Variants in FSTL4 observed in about 807,000 individuals in gnomAD.
The protein encoded by FSTL4 is follistatin like 4.
FSTL4 carries 28 observed loss-of-function variants against 78.2 expected under a neutral mutation model. The observed-to-expected ratio is 0.36, with a 90% CI of 0.27 to 0.49. FSTL4 has a LOEUF of 0.49. Among genes scored for constraint, FSTL4 ranks in the 20% least tolerant of loss-of-function variants. The pLI, the probability that FSTL4 is intolerant of heterozygous loss-of-function variation, is 0.98. For synonymous variants in FSTL4, 422 were observed against 440.5 expected, an observed-to-expected ratio of 0.96 and a Z score of 0.53; for missense variants, 922 against 1,084.9, an observed-to-expected ratio of 0.85 and a Z score of 2.11.
chr5:133,480,653 A>G (rs989733956), intron 3 of FSTL4, among the ~76,000 whole-genome samples: 2 of 151,404 alleles, frequency 1.3e-5, no homozygotes, highest in Non-Finnish European at 1.5e-5. Context: ...GGGAGCCAGG[A>G]TCTCCTCTGC....
At chr5:133,577,299 T>C (rs1259144253) in intron 2 of FSTL4, among the ~76,000 whole-genome samples, 1 of 152,112 alleles carries the variant, frequency 6.6e-6, no homozygotes, top group Non-Finnish European at 1.5e-5. Flanking sequence ...TTGCTGCAAG[T>C]GCTCATGAAA....
intron 3 of FSTL4, among the ~76,000 whole-genome samples, chr5:133,430,853 A>G (rs1391369134): frequency 6.6e-6 from 1 of 152,218 alleles, no homozygotes; most frequent in Admixed American, 6.5e-5. Context: ...CAGAGTCTTC[A>G]GTAAAGGCCC....
intron 3 of FSTL4, among the ~76,000 whole-genome samples, chr5:133,429,466 C>A (rs1006261261): frequency 1.3e-5 from 2 of 152,104 alleles, no homozygotes; most frequent in African/African-American, 4.8e-5. Context: ...ATGCTCGTGA[C>A]TCCCCCACCC....
chr5:133,375,045 G>A (rs377572932), intron 4 of FSTL4, among the ~76,000 whole-genome samples: 4 of 151,808 alleles, frequency 2.6e-5, no homozygotes, highest in East Asian at 3.9e-4. Context: ...TCAAATTCAC[G>A]TCAGCCATCT....
At chr5:133,309,535 C>T (rs2126885402) in intron 6 of FSTL4, among the ~76,000 whole-genome samples, 1 of 152,312 alleles carries the variant, frequency 6.6e-6, no homozygotes, top group Admixed American at 6.5e-5. Context: ...GAAGGGGGTA[C>T]AGCCCCATCA....
rs1355377116 is a variant in FSTL4 at position 133,316,516 on chromosome 5, C to G, written c.546G>C (p.Leu182=). ...ASQKRLLVES[L]FRDLDADGNG... ...TGCCATCTGCATCTAAGTCCCTGAACAGAGATTCCACCAGGAGGCGCTTCT... is the reference window on the plus strand; with the variant it reads ...TGCCATCTGCATCTAAGTCCCTGAAGAGAGATTCCACCAGGAGGCGCTTCT... Residue 182 remains leucine, a synonymous_variant, in exon 5 of 16, where the codon CTG becomes CTC. Transcript: ENST00000265342. The G allele has an allele frequency of 1.2e-6, 2 of 1,614,176 alleles. No homozygotes were observed. The highest frequency in any genetic ancestry group is 2.2e-5 in the South Asian group (2 of 91,082).
chr5:133,739,119 A>AT, the FSTL4 span, among the ~76,000 whole-genome samples: 19 of 151,944 alleles, frequency 1.3e-4, no homozygotes, highest in East Asian at 3.1e-3. Context: ...AGCACCTATG[A>AT]TTTTTTTTAC....
At chr5:133,825,969 G>A in the FSTL4 span, among the ~76,000 whole-genome samples, 36 of 152,368 alleles carry the variant, frequency 2.4e-4, no homozygotes, top group South Asian at 5.0e-3. Context: ...GCCTGCCGGT[G>A]AGGCTGCAGA....
At chr5:133,649,175 C>A in the FSTL4 span, among the ~76,000 whole-genome samples, 1 of 152,068 alleles carries the variant, frequency 6.6e-6, no homozygotes, top group African/African-American at 2.4e-5. Context: ...AAGTTTCTTC[C>A]GTGTCTTTTC....
chr5:133,377,896 A>AT (rs539806251), intron 4 of FSTL4, among the ~76,000 whole-genome samples: 45 of 148,584 alleles, frequency 3.0e-4, no homozygotes, highest in Admixed American at 1.2e-3. Flanking sequence ...AGCAGCAACA[A>AT]TTTTTTTTTT....
rs374757334 is a variant in FSTL4, at chr5:133,400,919, G to A, written c.228C>T (p.Cys76=). 5.8e-5 allele frequency: 94 copies of A among 1,613,502 alleles called. No individual in the cohort carries two copies. The highest frequency in any genetic ancestry group is 1.3e-4 in the African/African-American group (10 of 74,944). The stretch of plus-strand genomic sequence containing the variant: ...GCTCCCCTGTCTTCCTGCTGAGCAC[G>A]CACCGGCTCCCTCGGCTGCAGAACT... The part of the protein sequence containing the change: ...GKKFCSRGSR[C]VLSRKTGEPE... Residue 76 remains cysteine (C), a synonymous_variant, in exon 4 of 16, where the codon TGC becomes TGT. Coordinates refer to ENST00000265342, the MANE Select transcript of FSTL4 (RefSeq NM_015082.2).
At chr5:133,239,261 G>A (rs1751759431) in intron 7 of FSTL4, among the ~76,000 whole-genome samples, 1 of 127,958 alleles carries the variant, frequency 7.8e-6, no homozygotes, top group African/African-American at 3.0e-5. Context: ...GTGGGCTCCT[G>A]CGCAGCCTGA....
rs992584605 is a variant in FSTL4 at position 133,225,407 on chromosome 5, G to A, written c.1178-123C>T. Reference sequence around the variant, plus strand: ...GGGCAGCCAGCAGCCCTGATTATACGCCCAGGAAGGGCTGGCACATCTGAA... The same window carrying A: ...GGGCAGCCAGCAGCCCTGATTATACACCCAGGAAGGGCTGGCACATCTGAA... On this transcript the variant is annotated intron_variant, in intron 9 of 15. Transcript: ENST00000265342. This position sits in a 1 kb window ranked among gnomAD's most constrained non-coding sequence, Gnocchi z 4.6. 1.7e-5 allele frequency: 20 copies of A among 1,160,066 alleles called. No homozygotes were observed. The highest frequency in any genetic ancestry group is 1.5e-4 in the South Asian group (11 of 71,704). The allele number at this position is 1,160,066 out of a possible 1,614,324, so 71.9% of individuals were successfully genotyped here. A position where few individuals can be genotyped will look rare whatever the true frequency, so the allele number is the denominator to read the frequency against.
At chr5:133,331,586 G>A (rs539954037) in intron 4 of FSTL4, among the ~76,000 whole-genome samples, 180 of 152,284 alleles carry the variant, frequency 1.2e-3, no homozygotes, top group African/African-American at 4.0e-3. Context: ...ATAAGCCGGC[G>A]ATACGTGCTC....
chr5:133,623,514 A>T, the FSTL4 span, among the ~76,000 whole-genome samples: 7 of 152,036 alleles, frequency 4.6e-5, no homozygotes, highest in Admixed American at 3.9e-4. Context: ...TTGAATTATG[A>T]CCTAAACAAA....
the FSTL4 span, among the ~76,000 whole-genome samples, chr5:133,738,046 C>T: frequency 1.4e-4 from 22 of 152,236 alleles, no homozygotes; most frequent in South Asian, 3.3e-3. Flanking sequence ...GCTCTTGGGA[C>T]GTGCTTGGAC....
At chr5:133,322,524 AG>A (rs1336469921) in intron 4 of FSTL4, among the ~76,000 whole-genome samples, 1 of 152,192 alleles carries the variant, frequency 6.6e-6, no homozygotes, top group Non-Finnish European at 1.5e-5. Context: ...AAGGGAGAAA[AG>A]CCAACAAAGG....
chr5:133,686,945 G>C, the FSTL4 span, among the ~76,000 whole-genome samples: 439 of 152,324 alleles, frequency 2.9e-3, 22 homozygotes, highest in South Asian at 0.085. Flanking sequence ...TGGTTGGTGG[G>C]AAGAAGCAAA....
intron 8 of FSTL4, among the ~76,000 whole-genome samples, chr5:133,229,562 T>G (rs1291333631): frequency 2.0e-5 from 3 of 151,860 alleles, no homozygotes; most frequent in African/African-American, 7.3e-5. Context: ...GACAAAACAA[T>G]TCTGAATTTA....
Sources: gnomAD v4.1 joint callset for allele counts (sites outside exome capture counted in the v4.1 genomes callset) on GRCh38, gnomAD v4.1.1 for gene constraint, Gnocchi (gnomAD v3.1) non-coding constraint, MANE v1.5 for transcripts, NCBI Gene and HGNC (gene_info 2026-07-23, HGNC 2026-07-21) for gene names.